The following OTC variants were observed in gnomAD, a reference collection of about 807,000 sequenced individuals.
OTC encodes the protein ornithine transcarbamylase, mitochondrial.
OTC carries 3 observed loss-of-function variants against 30.3 expected under a neutral mutation model. That is an observed-to-expected ratio of 0.10 (90% CI 0.05 to 0.26). The LOEUF is 0.26. Ranked by LOEUF, OTC falls within the 10% of genes least tolerant of loss-of-function variation. The pLI is 1.00. For synonymous variants in OTC, 111 were observed against 99.7 expected, an observed-to-expected ratio of 1.11 and a Z score of -0.67; for missense variants, 194 against 260.3, an observed-to-expected ratio of 0.75 and a Z score of 1.75.
At chrX:38,420,107 C>A (rs1379737063) in intron 9 of OTC, among the ~76,000 whole-genome samples, 3 of 111,144 alleles carry the variant, frequency 2.7e-5, no homozygotes, top group Non-Finnish European at 5.7e-5. Context: ...AAACATCATG[C>A]TGTACTCCAT....
chrX:38,360,844 A>G (rs937490635), intron 1 of OTC, among the ~76,000 whole-genome samples: 2 of 112,425 alleles, frequency 1.8e-5, no homozygotes, highest in South Asian at 7.4e-4. Flanking sequence ...TAACACATAC[A>G]CAGTACCTCA....
intron 9 of OTC, among the ~76,000 whole-genome samples, chrX:38,413,754 C>T (rs1472250608): frequency 9.3e-6 from 1 of 107,781 alleles, no homozygotes; most frequent in Non-Finnish European, 1.9e-5. Context: ...ACTGCAACCT[C>T]TGCCTCCCGG....
the OTC span, among the ~76,000 whole-genome samples, chrX:38,332,502 TTTTA>T: frequency 6.1e-5 from 1 of 16,436 alleles, no homozygotes; most frequent in African/African-American, 2.7e-4. Flanking sequence ...TAGCCCTAGA[TTTTA>T]TATATATATA....
intron 4 of OTC, among the ~76,000 whole-genome samples, chrX:38,397,467 A>T (rs1371687472): frequency 1.8e-5 from 2 of 112,134 alleles, no homozygotes; most frequent in African/African-American, 6.5e-5. Context: ...TTCTTTTTTT[A>T]AAAATAGAAC....
In OTC at chrX:38,412,112, C is replaced by T. The variant is rs1042506042; in HGVS notation, c.1005+113C>T. On this transcript the variant is annotated intron_variant, in intron 9 of 9. Transcript: ENST00000039007. ...AGATTATCCAACTACATTACTTGCT[C>T]ATGTAACATCTATTTTTTTCCAGAA... The T allele has an allele frequency of 8.4e-6, 6 of 715,874 alleles. No individual in the cohort carries two copies. The African/African-American group carries it at 9.2e-5, about 11-fold the overall frequency. The allele number at this position is 715,874 out of a possible 1,213,427, so 59.0% of individuals were successfully genotyped here.
At chrX:38,349,653 T>G (rs1007504664), upstream of OTC, among the ~76,000 whole-genome samples, 13 of 112,658 alleles carry the variant, frequency 1.2e-4, no homozygotes, top group Non-Finnish European at 2.2e-4. Context: ...AATCAACTTT[T>G]CTTTATAAAT....
chrX:38,342,011 C>CTTTTTTTTTT, the OTC span, among the ~76,000 whole-genome samples: 2 of 28,589 alleles, frequency 7.0e-5, no homozygotes, highest in Non-Finnish European at 1.2e-4. Flanking sequence ...TTAAATTTCA[C>CTTTTTTTTTT]TTTTTTTTTT....
intron 1 of OTC, among the ~76,000 whole-genome samples, chrX:38,364,804 A>AAG: frequency 9.1e-6 from 1 of 110,235 alleles, no homozygotes; most frequent in Non-Finnish European, 1.9e-5. Context: ...AAAAAAAAAA[A>AAG]TCAGTCAATC....
upstream of OTC, among the ~76,000 whole-genome samples, chrX:38,349,564 T>C (rs1441770847): frequency 8.9e-6 from 1 of 112,706 alleles, no homozygotes; most frequent in African/African-American, 3.2e-5. Flanking sequence ...CCTTCTGCCA[T>C]GGAATGGCAA....
At chrX:38,352,474 A>T (rs2068222743), upstream of OTC, 1 of 394,008 alleles carries the variant, frequency 2.5e-6, no homozygotes, top group East Asian at 4.4e-5. Flanking sequence ...TCTTCCAAAA[A>T]AAATACACAG....
chrX:38,377,879 C>T (rs1431557910), intron 3 of OTC, among the ~76,000 whole-genome samples: 4 of 110,871 alleles, frequency 3.6e-5, no homozygotes, highest in Non-Finnish European at 7.6e-5. Context: ...ACTCTCTCGC[C>T]CTGGCTGCAG....
At chrX:38,369,248 A>G (rs974504923) in intron 2 of OTC, among the ~76,000 whole-genome samples, 3 of 112,073 alleles carry the variant, frequency 2.7e-5, no homozygotes, top group Non-Finnish European at 5.6e-5. Context: ...CACATGTTGA[A>G]CCCAGAACAA....
chrX:38,406,932 T>C (rs759693486), intron 6 of OTC, among the ~76,000 whole-genome samples: 1 of 112,732 alleles, frequency 8.9e-6, no homozygotes, highest in South Asian at 3.7e-4. Context: ...TAGACAATCA[T>C]GTGCAAATAA....
At chrX:38,352,445 C>G, upstream of OTC, 1 of 362,875 alleles carries the variant, frequency 2.8e-6, no homozygotes, top group African/African-American at 2.6e-5. Flanking sequence ...GGAGGCCAGG[C>G]AATAAAAGAG....
At chrX:38,367,829 C>T (rs756318226) in intron 2 of OTC, among the ~76,000 whole-genome samples, 96 of 109,902 alleles carry the variant, frequency 8.7e-4, no homozygotes, top group African/African-American at 2.4e-3. Context: ...GGAATTCTCC[C>T]GCCTCAGCCT....
chrX:38,344,358 C>T, the OTC span, among the ~76,000 whole-genome samples: 3 of 110,541 alleles, frequency 2.7e-5, no homozygotes, highest in South Asian at 1.1e-3. Flanking sequence ...TTGCCAGTTT[C>T]CACACAGGTC....
At chrX:38,330,976 T>C in the OTC span, among the ~76,000 whole-genome samples, 2 of 111,984 alleles carry the variant, frequency 1.8e-5, no homozygotes, top group Non-Finnish European at 3.8e-5. Context: ...GGTACATAGC[T>C]TACTAAAATG....
At chrX:38,403,818 C>A in intron 6 of OTC, 78 bp downstream of exon 6, 1 of 1,084,779 alleles carries the variant, frequency 9.2e-7, no homozygotes, top group Non-Finnish European at 1.3e-6. Flanking sequence ...ACAAAAAAAG[C>A]TCTCTTCCAT....
At chrX:38,405,144 G>A (rs1177687905) in intron 6 of OTC, among the ~76,000 whole-genome samples, 1 of 111,067 alleles carries the variant, frequency 9.0e-6, no homozygotes, top group Non-Finnish European at 1.9e-5. Flanking sequence ...GGATCCCCCG[G>A]GGGCCTCTGA....
Sources: gnomAD v4.1 joint callset for allele counts (sites outside exome capture counted in the v4.1 genomes callset) on GRCh38, gnomAD v4.1.1 for gene constraint, MANE v1.5 for transcripts, NCBI Gene and HGNC (gene_info 2026-07-23, HGNC 2026-07-21) for gene names.